CLASP2: variants seen among roughly 807,000 people sequenced by gnomAD.
The protein encoded by CLASP2 is CLIP-associating protein 2.
A neutral mutation model predicts 194.4 loss-of-function variants in CLASP2; 47 were observed. The observed-to-expected ratio is 0.24, with a 90% CI of 0.19 to 0.31. The LOEUF is 0.31. Among genes scored for constraint, CLASP2 ranks in the 10% least tolerant of loss-of-function variants. CLASP2 has a pLI of 1.00. For missense variants in CLASP2, 1,445 were observed against 1,823.6 expected (o/e 0.79, Z 3.78); for synonymous variants, 619 against 633.5 (o/e 0.98, Z 0.34).
intron 26 of CLASP2, among the ~76,000 whole-genome samples, chr3:33,567,933 T>TA (rs1224245683): frequency 1.3e-5 from 2 of 152,162 alleles, no homozygotes; most frequent in Non-Finnish European, 1.5e-5. Context: ...GCTTCACTTA[T>TA]AAAAAATACT....
At chr3:33,563,861 G>A (rs913593049) in intron 27 of CLASP2, 2 of 455,438 alleles carry the variant, frequency 4.4e-6, no homozygotes, top group African/African-American at 4.0e-5. Flanking sequence ...ACTGATCTTG[G>A]GCTATCTGGA....
At chr3:33,558,351 G>C (rs1214611874) in intron 29 of CLASP2, 1 of 152,122 alleles carries the variant, frequency 6.6e-6, no homozygotes, top group Non-Finnish European at 1.5e-5. Context: ...GTGATTCTGA[G>C]GCACAATTGC....
intron 38 of CLASP2, among the ~76,000 whole-genome samples, chr3:33,501,233 G>A (rs1342877169): frequency 6.6e-6 from 1 of 152,010 alleles, no homozygotes; most frequent in African/African-American, 2.4e-5. Flanking sequence ...GTTCTTAAGG[G>A]GAAAAATTTT....
chr3:33,575,390 G>A (rs1364643495), intron 24 of CLASP2, among the ~76,000 whole-genome samples: 2 of 151,972 alleles, frequency 1.3e-5, no homozygotes, highest in Admixed American at 6.6e-5. Context: ...TGGGATCTAT[G>A]ATTTTAGGAA....
chr3:33,536,540 G>A (rs922322494), intron 33 of CLASP2, among the ~76,000 whole-genome samples: 1 of 152,176 alleles, frequency 6.6e-6, no homozygotes, highest in Non-Finnish European at 1.5e-5. Context: ...CAGGAGCAGA[G>A]TGAACAAGGA....
chr3:33,565,982 C>T (rs2062671249), intron 27 of CLASP2, among the ~76,000 whole-genome samples: 1 of 152,164 alleles, frequency 6.6e-6, no homozygotes, highest in Non-Finnish European at 1.5e-5. Flanking sequence ...CTGTGTCCCT[C>T]TCTAACCTCC....
intron 28 of CLASP2, 29 bp from the exon 29 acceptor site, chr3:33,559,414 A>G (rs760726225): frequency 1.4e-6 from 2 of 1,384,814 alleles, no homozygotes; most frequent in Admixed American, 4.0e-5. Flanking sequence ...AAAACGAAAC[A>G]AAAATTTAGT....
Position 33,675,018 on chromosome 3 carries a change from G to A in CLASP2, c.644+9341C>T, listed in dbSNP as rs1344017418. Among the ~76,000 whole-genome samples, 9 of 152,198 alleles carry A rather than the reference G, an allele frequency of 5.9e-5. No individual in the cohort carries two copies. The East Asian group carries it at 1.4e-3, about 23-fold the overall frequency. On this transcript the variant is annotated intron_variant, in intron 6 of 38. Transcript: ENST00000682230. ...AATTCTACCAGAGGTACAAGGAGGA[G>A]CTGGTACCATTCCTTCTGAAACTAT...
chr3:33,577,383 T>C, intron 23 of CLASP2: 1 of 753,726 alleles, frequency 1.3e-6, no homozygotes, highest in Non-Finnish European at 2.1e-6. Flanking sequence ...TAGTTAATGA[T>C]CAGAGTATTG....
intron 26 of CLASP2, 87 bp downstream of exon 26, chr3:33,570,640 A>C: frequency 1.3e-6 from 2 of 1,490,234 alleles, no homozygotes; most frequent in Non-Finnish European, 1.8e-6. Flanking sequence ...TGGGACAATA[A>C]AATAAAAATG....
chr3:33,635,724 TA>T (rs1267571250), intron 8 of CLASP2, among the ~76,000 whole-genome samples: 1 of 152,180 alleles, frequency 6.6e-6, no homozygotes, highest in African/African-American at 2.4e-5. Flanking sequence ...TTCAGTTTTT[TA>T]AAAAAGTTTT....
At chr3:33,684,620 A>C (rs1220207722) in intron 5 of CLASP2, among the ~76,000 whole-genome samples, 164 bp from the exon 6 acceptor site, 1 of 152,224 alleles carries the variant, frequency 6.6e-6, no homozygotes, top group Non-Finnish European at 1.5e-5. Flanking sequence ...GGGCCTGCCA[A>C]GATACTTCTA....
At chr3:33,708,713 A>C (rs1238016929) in intron 1 of CLASP2, among the ~76,000 whole-genome samples, 1 of 151,882 alleles carries the variant, frequency 6.6e-6, no homozygotes, top group Non-Finnish European at 1.5e-5. Context: ...TTTTCTTTGG[A>C]TATATACTCA....
At chr3:33,578,480 A>G (rs898739432) in intron 23 of CLASP2, among the ~76,000 whole-genome samples, 1 of 152,220 alleles carries the variant, frequency 6.6e-6, no homozygotes, top group Non-Finnish European at 1.5e-5. Flanking sequence ...GATATATTAG[A>G]GCAGTTAAAA....
chr3:33,571,383 C>T (rs547734656), intron 25 of CLASP2, among the ~76,000 whole-genome samples: 1 of 151,638 alleles, frequency 6.6e-6, no homozygotes. Flanking sequence ...AATCCCAGCA[C>T]TTTGGAAGGT....
At chr3:33,538,037 A>G (rs1450023662) in intron 33 of CLASP2, among the ~76,000 whole-genome samples, 2 of 151,942 alleles carry the variant, frequency 1.3e-5, no homozygotes, top group African/African-American at 4.8e-5. Context: ...GCTACTCAGG[A>G]GGCTGAGGCA....
rs1294728695 is a variant in CLASP2, at chr3:33,676,690, G to A, written c.644+7669C>T. ...ACCAAAAACTATGGCAACAAAAGCC[G>A]AAATTGACAAATGGGATCTAATTAG... On this transcript the variant is annotated intron_variant, in intron 6 of 38. Coordinates refer to ENST00000682230, the MANE Select transcript of CLASP2 (RefSeq NM_001365631.1). 1.4e-4 allele frequency among the ~76,000 whole-genome samples: 22 copies of A among 152,134 alleles called. 1 individual carries two copies. Among genetic ancestry groups the A allele is most frequent in the Admixed American group, 2.6e-4 (4 of 15,264 alleles).
intron 21 of CLASP2, among the ~76,000 whole-genome samples, chr3:33,590,447 C>A (rs756749853): frequency 2.6e-5 from 4 of 152,056 alleles, no homozygotes. Context: ...CTAACTAGCT[C>A]CCAGATGATG....
chr3:33,687,284 A>AAGCAAAAAATAATTCTAAGCAATGT (rs571689915), intron 4 of CLASP2, 149 bp from the exon 5 acceptor site: 3 of 557,252 alleles, frequency 5.4e-6, no homozygotes, highest in Non-Finnish European at 9.6e-6. Flanking sequence ...TATGAGACAT[A>AAGCAAAAAATAATTCTAAGCAATGT]AGCAAAAAAT....
Sources: gnomAD v4.1 joint callset for allele counts (sites outside exome capture counted in the v4.1 genomes callset) on GRCh38, gnomAD v4.1.1 for gene constraint, MANE v1.5 for transcripts, NCBI Gene and HGNC (gene_info 2026-07-23, HGNC 2026-07-21) for gene names.